KIDINS220: variants seen among roughly 807,000 people sequenced by gnomAD.
KIDINS220 encodes the protein kinase D-interacting substrate of 220 kDa.
Under a neutral mutation model 157.6 loss-of-function variants are expected in KIDINS220, and 63 were observed. That is an observed-to-expected ratio of 0.40 (90% CI 0.33 to 0.49). The LOEUF (loss-of-function observed/expected upper bound fraction) is 0.49, where lower values mean the gene tolerates loss of function less well. KIDINS220 is among the 20% of genes least tolerant of loss of function. The probability of loss-of-function intolerance (pLI) is 0.66; values close to 1 mark genes in which losing one functional copy is unlikely to be tolerated. For missense variants in KIDINS220, 1,772 were observed against 2,171.2 expected (o/e 0.82, Z 3.65); for synonymous variants, 732 against 783.6 (o/e 0.93, Z 1.10).
At chr2:8,736,772 T>C (rs1007286199) in intron 27 of KIDINS220, 96 bp downstream of exon 27, 1 of 1,300,912 alleles carries the variant, frequency 7.7e-7, no homozygotes, top group Non-Finnish European at 1.0e-6. Flanking sequence ...AGGGAATGCA[T>C]GTTTGGGAAG....
At chr2:8,774,042 A>G (rs1379649843) in intron 21 of KIDINS220, among the ~76,000 whole-genome samples, 1 of 152,206 alleles carries the variant, frequency 6.6e-6, no homozygotes, top group East Asian at 1.9e-4. Flanking sequence ...ATAGTGGCTC[A>G]TGCCTGTAAT....
rs1183396640 is a variant in KIDINS220, at chr2:8,779,804, C to T, written c.2240G>A (p.Cys747Tyr). 6.2e-7 allele frequency: 1 copy of T among 1,613,964 alleles called. No individual in the cohort carries two copies. The highest frequency in any genetic ancestry group is 1.3e-5 in the African/African-American group (1 of 74,928). Residue 747 changes from cysteine (C) to tyrosine (Y), a missense_variant, in exon 18 of 30, where the codon TGT (cysteine) becomes TAT (tyrosine). By Grantham distance (194) the Cys-to-Tyr change is radical. This residue lies in a region of KIDINS220 where 725 missense variants were observed against 1,017.1 expected (regional missense o/e 0.71). Coordinates refer to ENST00000256707, the MANE Select transcript of KIDINS220 (RefSeq NM_020738.4). ...KSEGFMKVLK[C>Y]EVELMARMAK... ...CATCCTGGCCATCAATTCCACTTCA[C>T]ATTTAAGAACCTGTATTGCAAAGGA...
chr2:8,781,153 A>ATATATAATATATATAT lies in KIDINS220; in HGVS notation c.2230-1340_2230-1339insATATATATATTATATA, dbSNP rs70946383. 5.5e-3 allele frequency among the ~76,000 whole-genome samples: 714 copies of ATATATAATATATATAT among 130,376 alleles called. 13 individuals are homozygous for ATATATAATATATATAT. Among genetic ancestry groups the ATATATAATATATATAT allele is most frequent in the African/African-American group, 0.019 (660 of 35,180 alleles). The allele number at this position is 130,376 out of a possible 152,430, so 85.5% of individuals were successfully genotyped here. On this transcript the variant is annotated intron_variant, in intron 17 of 29. Transcript: ENST00000256707. Reference sequence around the variant, plus strand: ...ACTATATTAATTATTATATATATATAATATATATATATTAAAGGGGGGCAT... The same window carrying ATATATAATATATATAT: ...ACTATATTAATTATTATATATATATATATATAATATATATATATATATATATATTAAAGGGGGGCAT...
chr2:8,729,345 G>GT lies in KIDINS220; in HGVS notation c.*1374dup, dbSNP rs1409068438. On this transcript the variant is annotated 3_prime_UTR_variant, in exon 30 of 30. Coordinates refer to ENST00000256707, the MANE Select transcript of KIDINS220 (RefSeq NM_020738.4). ...CCACTGAGTGATAAACATCGAAAAT[G>GT]TAACACTGAATCTAGATAATAGCGC... is the stretch of plus-strand genomic sequence containing the variant. 1 of 985,336 alleles carries GT rather than the reference G, an allele frequency of 1.0e-6. No homozygotes were observed. The highest frequency in any genetic ancestry group is 1.2e-6 in the Non-Finnish European group (1 of 829,928). 61.0% of individuals were successfully genotyped at this position (985,336 alleles called of 1,614,324 possible).
intron 15 of KIDINS220, among the ~76,000 whole-genome samples, chr2:8,787,104 GAA>G (rs1013902418): frequency 6.9e-6 from 1 of 144,126 alleles, no homozygotes. Flanking sequence ...TGTTCTAACT[GAA>G]AAAAAAAAAT....
Position 8,751,612 on chromosome 2 carries a change from A to G in KIDINS220, c.3044T>C (p.Val1015Ala), listed in dbSNP as rs1441903994. Reference protein sequence around the residue: ...ISKNIPTTKDVEPLLEIDGDI... With the variant: ...ISKNIPTTKDAEPLLEIDGDI... The stretch of plus-strand genomic sequence containing the variant: ...TCCATCAATTTCAAGAAGTGGCTCA[A>G]CATCCTTAGTTGTTGGAATATTCTT... Residue 1015 changes from valine to alanine, a missense_variant, in exon 23 of 30, where the codon GTT (valine) becomes GCT (alanine). Physicochemically the swap from Val to Ala is moderately conservative, Grantham distance 64. Coordinates refer to ENST00000256707, the MANE Select transcript of KIDINS220 (RefSeq NM_020738.4). The G allele has an allele frequency of 1.9e-6, 3 of 1,606,550 alleles. No individual in the cohort carries two copies. In the African/African-American group the frequency reaches 4.0e-5, roughly 22 times the overall value.
chr2:8,811,567 G>A (rs1200290803), intron 6 of KIDINS220, among the ~76,000 whole-genome samples: 1 of 152,150 alleles, frequency 6.6e-6, no homozygotes, highest in Non-Finnish European at 1.5e-5. Context: ...AACGTTCACA[G>A]AACATTAGAC....
chr2:8,832,074 C>CCTT lies in KIDINS220; in HGVS notation c.-36-4946_-36-4945insAAG, dbSNP rs546167187. 9.9e-4 allele frequency among the ~76,000 whole-genome samples: 151 copies of CCTT among 152,338 alleles called. 2 individuals are homozygous for CCTT. The highest frequency in any genetic ancestry group is 3.6e-3 in the African/African-American group (148 of 41,572). Reference sequence around the variant, plus strand: ...TGCAGAATTCCCACTCCTCCTTATTCCTGAAGCACCCGAGACTGAGCAAAG... The same window carrying CCTT: ...TGCAGAATTCCCACTCCTCCTTATTCCTTCTGAAGCACCCGAGACTGAGCAAAG... On this transcript the variant is annotated intron_variant, in intron 1 of 29. Transcript: ENST00000256707.
chr2:8,750,454 G>A, intron 23 of KIDINS220, 119 bp from the exon 24 acceptor site: 1 of 598,832 alleles, frequency 1.7e-6, no homozygotes, highest in Non-Finnish European at 2.5e-6. Context: ...TCTTGCCACG[G>A]ATTCCAACTA....
Position 8,733,593 on chromosome 2 carries a change from C to A in KIDINS220, c.3904G>T (p.Gly1302Cys). 1 of 1,614,004 alleles carries A rather than the reference C, an allele frequency of 6.2e-7. No homozygotes were observed. The highest frequency in any genetic ancestry group is 1.1e-5 in the South Asian group (1 of 91,072). ...TGGGAAGCGCGGCGAGCAGGCTCAC[C>A]GTGCGGGGCTGGGCCACTGCTGCTC... Reference protein sequence around the residue: ...SESSSGPAPHGEPARRASHNE... With the variant: ...SESSSGPAPHCEPARRASHNE... Residue 1302 changes from glycine to cysteine, a missense_variant, in exon 29 of 30, where the codon GGT becomes TGT. Physicochemically the swap from Gly to Cys is radical, Grantham distance 159. Coordinates refer to ENST00000256707, the MANE Select transcript of KIDINS220 (RefSeq NM_020738.4).
chr2:8,764,054 A>G, intron 22 of KIDINS220, among the ~76,000 whole-genome samples: 1 of 152,202 alleles, frequency 6.6e-6, no homozygotes, highest in East Asian at 1.9e-4. Flanking sequence ...ATGGAATACT[A>G]CTCAGCCATT....
At position 8,744,391 on chromosome 2, in the gene KIDINS220, ATATATATATAATATATATATATATAT is replaced by A. The variant is rs1558328476; in HGVS notation, c.3585+2728_3585+2753del. On this transcript the variant is annotated intron_variant, in intron 26 of 29. Transcript: ENST00000256707. ...AAAAAAAAAAAAAAAAAAAAAAAAT[ATATATATATAATATATATATATATAT>A]ATATATATATATATATATATATATA... Among the ~76,000 whole-genome samples the A allele has an allele frequency of 3.3e-4, 9 of 27,296 alleles. 2 individuals carry two copies. The highest frequency in any genetic ancestry group is 1.5e-3 in the African/African-American group (8 of 5,506). 17.9% of individuals were successfully genotyped at this position (27,296 alleles called of 152,430 possible). A position where few individuals can be genotyped will look rare whatever the true frequency, so the allele number is the denominator to read the frequency against.
At position 8,827,137 on chromosome 2, in the gene KIDINS220, A is replaced by G; in HGVS notation, c.-36-8T>C. Reference sequence around the variant, plus strand: ...TTAACTTTATTTGAATACCTGTTAAATTAGACAAAATACACATAATTTATA... The same window carrying G: ...TTAACTTTATTTGAATACCTGTTAAGTTAGACAAAATACACATAATTTATA... On this transcript the variant is annotated splice_polypyrimidine_tract_variant and splice_region_variant and intron_variant, in intron 1 of 29. Transcript: ENST00000256707. 1 of 974,804 alleles carries G rather than the reference A, an allele frequency of 1.0e-6. No individual in the cohort carries two copies. The highest frequency in any genetic ancestry group is 2.5e-5 in the East Asian group (1 of 40,422). 60.4% of individuals were successfully genotyped at this position (974,804 alleles called of 1,614,324 possible).
intron 8 of KIDINS220, 88 bp from the exon 9 acceptor site, chr2:8,800,586 AT>A: frequency 1.0e-6 from 1 of 963,770 alleles, no homozygotes; most frequent in Non-Finnish European, 1.5e-6. Flanking sequence ...ATGTTTTCAT[AT>A]TTTTTTCTAA....
intron 17 of KIDINS220, among the ~76,000 whole-genome samples, chr2:8,785,134 C>T (rs1672221705): frequency 1.3e-5 from 2 of 152,038 alleles, no homozygotes; most frequent in East Asian, 1.9e-4. Flanking sequence ...CATATGACTA[C>T]GTGAAAGAAG....
chr2:8,768,717 A>G (rs937375209), intron 22 of KIDINS220, among the ~76,000 whole-genome samples: 1 of 152,276 alleles, frequency 6.6e-6, no homozygotes, highest in East Asian at 1.9e-4. Context: ...ACTTTCTCTT[A>G]TTCAAATGAC....
chr2:8,743,405 G>C (rs13005254), intron 26 of KIDINS220, among the ~76,000 whole-genome samples: 42,127 of 152,016 alleles, frequency 0.28, 5,972 homozygotes, highest in Middle Eastern at 0.34. Flanking sequence ...TTGGGCAGTA[G>C]TAGCAGTAGT....
At chr2:8,752,708 A>AT (rs1667528369) in intron 22 of KIDINS220, among the ~76,000 whole-genome samples, 1 of 152,204 alleles carries the variant, frequency 6.6e-6, no homozygotes, top group Non-Finnish European at 1.5e-5. Context: ...AATTACACAG[A>AT]TTAAAAAAAA....
chr2:8,770,122 G>A (rs538577707), intron 22 of KIDINS220, among the ~76,000 whole-genome samples: 69 of 152,220 alleles, frequency 4.5e-4, no homozygotes, highest in African/African-American at 1.6e-3. Context: ...TATACACTAA[G>A]GCTGGGCACA....
Sources: allele counts gnomAD v4.1 joint callset (sites outside exome capture counted in the v4.1 genomes callset), GRCh38; gene constraint gnomAD v4.1.1; regional missense constraint gnomAD v4.1.1; transcripts MANE v1.5; gene names NCBI Gene and HGNC (gene_info 2026-07-23, HGNC 2026-07-21).